The following GNAL variants were observed in gnomAD, a reference collection of about 807,000 sequenced individuals.
GNAL encodes guanine nucleotide-binding protein G(olf) subunit alpha.
GNAL carries 18 observed loss-of-function variants against 55.1 expected under a neutral mutation model. The observed-to-expected ratio is 0.33, with a 90% CI of 0.23 to 0.48. The LOEUF (loss-of-function observed/expected upper bound fraction) is 0.48. Among genes scored for constraint, GNAL ranks in the 20% least tolerant of loss-of-function variants. The pLI is 0.99. For missense variants in GNAL, 412 were observed against 614.1 expected (o/e 0.67, Z 3.48); for synonymous variants, 253 against 237.0 (o/e 1.07, Z -0.62).
chr18:11,768,660 C>T (rs1453105927), intron 4 of GNAL, among the ~76,000 whole-genome samples: 3 of 149,442 alleles, frequency 2.0e-5, no homozygotes, highest in Admixed American at 1.3e-4. Flanking sequence ...TTTGGGAGGC[C>T]GAGGCGGGCG....
Position 11,689,921 on chromosome 18 carries a change from C to T in GNAL, c.358C>T (p.His120Tyr), listed in dbSNP as rs2031183545. Residue 120 changes from histidine (H) to tyrosine (Y), a missense_variant, in exon 1 of 12, where the codon CAC becomes TAC. Transcript: ENST00000334049. ...RDQKRDLQQTHRLLLLGAGES... is the reference protein window; with the variant it reads ...RDQKRDLQQTYRLLLLGAGES... ...CCAGAAGCGCGACCTGCAGCAGACG[C>T]ACCGGCTCCTGCTGCTCGGTAGGTC... 1 of 1,425,856 alleles carries T rather than the reference C, an allele frequency of 7.0e-7. No homozygotes were observed. The highest frequency in any genetic ancestry group is 9.2e-7 in the Non-Finnish European group (1 of 1,086,748). 88.3% of individuals were successfully genotyped at this position (1,425,856 alleles called of 1,614,324 possible).
chr18:11,826,211 G>T (rs1054909427), intron 5 of GNAL, among the ~76,000 whole-genome samples: 2 of 151,946 alleles, frequency 1.3e-5, no homozygotes, highest in African/African-American at 4.8e-5. Context: ...AGAGAGCCAG[G>T]CTCCAAGGGG....
chr18:11,762,796 C>T (rs1016419908), intron 4 of GNAL, among the ~76,000 whole-genome samples: 2 of 152,130 alleles, frequency 1.3e-5, no homozygotes, highest in South Asian at 2.1e-4. Flanking sequence ...CATAAAGAGA[C>T]CAGGCTTTGT....
chr18:11,829,285 G>A (rs372370021), intron 5 of GNAL, among the ~76,000 whole-genome samples: 2 of 152,046 alleles, frequency 1.3e-5, no homozygotes, highest in Admixed American at 6.6e-5. Context: ...AACTTCTCCC[G>A]TTTAGCTCGT....
chr18:11,785,551 C>T (rs558000184), intron 4 of GNAL, among the ~76,000 whole-genome samples: 1 of 152,352 alleles, frequency 6.6e-6, no homozygotes, highest in South Asian at 2.1e-4. Context: ...CCCCTGCCTC[C>T]TTAGAACCAT....
intron 1 of GNAL, among the ~76,000 whole-genome samples, chr18:11,732,727 A>G (rs2032367391): frequency 6.6e-6 from 1 of 152,222 alleles, no homozygotes; most frequent in Non-Finnish European, 1.5e-5. Context: ...CAAATGGAGG[A>G]GGGATAGACG....
intron 5 of GNAL, among the ~76,000 whole-genome samples, chr18:11,848,461 C>CT (rs71172024): frequency 0.037 from 5,297 of 142,788 alleles, 276 homozygotes; most frequent in African/African-American, 0.11. Context: ...TTTTTCTTTT[C>CT]TTTTTTTTTT....
rs545990083 is a variant in GNAL at position 11,881,958 on chromosome 18, T to G, written c.*823T>G. ...TCTATACCTGTACATGAAATGTGTT[T>G]GTATTGTGCTGAAGAGCTTAATGTC... On this transcript the variant is annotated 3_prime_UTR_variant, in exon 12 of 12. Coordinates refer to ENST00000334049, the MANE Select transcript of GNAL (RefSeq NM_182978.4). This position sits in a 1 kb window ranked among gnomAD's most constrained non-coding sequence, Gnocchi z 4.8. 6.5e-6 allele frequency: 1 copy of G among 152,772 alleles called. No individual in the cohort carries two copies. The highest frequency in any genetic ancestry group is 1.5e-5 in the Non-Finnish European group (1 of 68,026). The allele number at this position is 152,772 out of a possible 1,614,324, so 9.5% of individuals were successfully genotyped here. A position where few individuals can be genotyped will look rare whatever the true frequency, so the allele number is the denominator to read the frequency against.
chr18:11,789,314 A>G (rs1277835567), intron 4 of GNAL, among the ~76,000 whole-genome samples: 2 of 152,182 alleles, frequency 1.3e-5, no homozygotes, highest in Non-Finnish European at 2.9e-5. Context: ...TCAGGTATTT[A>G]AATCTGGGTA....
intron 1 of GNAL, among the ~76,000 whole-genome samples, chr18:11,724,340 C>T (rs370884024): frequency 1.3e-5 from 2 of 152,210 alleles, no homozygotes; most frequent in East Asian, 3.9e-4. Context: ...CTAGGACTGC[C>T]CTGATAGAGC....
In GNAL at chr18:11,881,158, C is replaced by A. The variant is rs570085983; in HGVS notation, c.*23C>A. On this transcript the variant is annotated 3_prime_UTR_variant, in exon 12 of 12. Coordinates refer to ENST00000334049, the MANE Select transcript of GNAL (RefSeq NM_182978.4). The surrounding 1 kb of genome is among the most constrained non-coding windows in gnomAD (Gnocchi z 4.8). Reference sequence around the variant, plus strand: ...TGAGGATGCTGCCGCCACCCTGCGACGGAGCGGCGCCCCGGACTGCCTGAC... The same window carrying A: ...TGAGGATGCTGCCGCCACCCTGCGAAGGAGCGGCGCCCCGGACTGCCTGAC... 1 of 1,586,076 alleles carries A rather than the reference C, an allele frequency of 6.3e-7. No individual in the cohort carries two copies. The highest frequency in any genetic ancestry group is 1.3e-5 in the African/African-American group (1 of 74,478).
chr18:11,881,160 G>A lies in GNAL; in HGVS notation c.*25G>A, dbSNP rs1250718355. The A allele has an allele frequency of 6.3e-7, 1 of 1,586,006 alleles. No individual in the cohort carries two copies. ...AGGATGCTGCCGCCACCCTGCGACG[G>A]AGCGGCGCCCCGGACTGCCTGACTG... is the stretch of plus-strand genomic sequence containing the variant. On this transcript the variant is annotated 3_prime_UTR_variant, in exon 12 of 12. Coordinates refer to ENST00000334049, the MANE Select transcript of GNAL (RefSeq NM_182978.4). This position sits in a 1 kb window ranked among gnomAD's most constrained non-coding sequence, Gnocchi z 4.8.
intron 1 of GNAL, among the ~76,000 whole-genome samples, chr18:11,708,062 T>G (rs1302589832): frequency 6.6e-6 from 1 of 152,246 alleles, no homozygotes; most frequent in Non-Finnish European, 1.5e-5. Flanking sequence ...AATGTGGCTA[T>G]TTCACTTTCT....
Position 11,776,688 on chromosome 18 carries a change from A to G in GNAL, c.624+22743A>G, listed in dbSNP as rs146039181. On this transcript the variant is annotated intron_variant, in intron 4 of 11. Coordinates refer to ENST00000334049, the MANE Select transcript of GNAL (RefSeq NM_182978.4). ...GCACCATTGCACTCCAGCCTGGGCA[A>G]CAGAGCCAGATCCTGCCTCAAAAAA... Among the ~76,000 whole-genome samples, 877 of 149,896 alleles carry G rather than the reference A, an allele frequency of 5.9e-3. 2 individuals are homozygous for G. The highest frequency in any genetic ancestry group is 0.01 in the Middle Eastern group (3 of 290).
chr18:11,730,614 A>AGGTATACCATATT, intron 1 of GNAL, among the ~76,000 whole-genome samples: 1 of 151,980 alleles, frequency 6.6e-6, no homozygotes, highest in Non-Finnish European at 1.5e-5. Flanking sequence ...AAATACAAAA[A>AGGTATACCATATT]TTAGCCAGGC....
intron 4 of GNAL, among the ~76,000 whole-genome samples, chr18:11,786,112 C>T (rs551481263): frequency 6.6e-6 from 1 of 152,250 alleles, no homozygotes; most frequent in East Asian, 1.9e-4. Context: ...CTTTTGTGTG[C>T]TTATTTCAGC....
rs189150614 is a variant in GNAL, at chr18:11,880,155, G to C, written c.1231-834G>C. ...GCCTGTAATCCCAGCTACTCAGGAGGCTGAGGCAGGAGAATTGCTTGAACC... is the reference window on the plus strand; with the variant it reads ...GCCTGTAATCCCAGCTACTCAGGAGCCTGAGGCAGGAGAATTGCTTGAACC... On this transcript the variant is annotated intron_variant, in intron 11 of 11. Transcript: ENST00000334049. 3.3e-5 allele frequency among the ~76,000 whole-genome samples: 5 copies of C among 151,002 alleles called. No individual in the cohort carries two copies. In the East Asian group the frequency reaches 1.0e-3, roughly 31 times the overall value.
At chr18:11,786,420 G>GA (rs2034058223) in intron 4 of GNAL, among the ~76,000 whole-genome samples, 1 of 132,668 alleles carries the variant, frequency 7.5e-6, no homozygotes, top group African/African-American at 2.8e-5. Flanking sequence ...TGGTGGGATA[G>GA]ATCTTCATAC....
intron 5 of GNAL, among the ~76,000 whole-genome samples, chr18:11,825,698 TC>T (rs1165806057): frequency 7.9e-6 from 1 of 127,080 alleles, no homozygotes; most frequent in Admixed American, 1.1e-4. Flanking sequence ...GCCCTTGCAC[TC>T]TGGCCTGGGC....
Sources: gnomAD v4.1 joint callset for allele counts (sites outside exome capture counted in the v4.1 genomes callset) on GRCh38, gnomAD v4.1.1 for gene constraint, Gnocchi (gnomAD v3.1) non-coding constraint, MANE v1.5 for transcripts, NCBI Gene and HGNC (gene_info 2026-07-23, HGNC 2026-07-21) for gene names.